The following MARCHF1 variants were observed in gnomAD, a reference collection of about 807,000 sequenced individuals.
MARCHF1 encodes E3 ubiquitin-protein ligase MARCHF1.
In MARCHF1, 40 loss-of-function variants were observed where a neutral mutation model predicts 54.2. The observed-to-expected ratio is 0.74, with a 90% CI of 0.57 to 0.96. The LOEUF (loss-of-function observed/expected upper bound fraction) is 0.96, where lower values mean the gene tolerates loss of function less well. MARCHF1 is among the 40% of genes least tolerant of loss of function. The pLI is 0.00. For synonymous variants in MARCHF1, 236 were observed against 236.3 expected (o/e 1.00, Z 0.01); for missense variants, 586 against 656.5 (o/e 0.89, Z 1.17).
chr4:164,072,013 G>C (rs2111092944), intron 2 of MARCHF1, among the ~76,000 whole-genome samples: 2 of 151,506 alleles, frequency 1.3e-5, no homozygotes, highest in South Asian at 4.2e-4. Context: ...TGCATCTGCA[G>C]ATATTTTTTA....
chr4:163,765,231 A>G (rs539868224), intron 4 of MARCHF1, among the ~76,000 whole-genome samples: 3 of 152,252 alleles, frequency 2.0e-5, no homozygotes, highest in Admixed American at 6.5e-5. Flanking sequence ...AATGAAGATT[A>G]AACTTAAAAG....
intron 1 of MARCHF1, among the ~76,000 whole-genome samples, chr4:164,179,884 T>C (rs576553196): frequency 2.0e-5 from 3 of 150,954 alleles, no homozygotes; most frequent in Admixed American, 6.7e-5. Context: ...TCTAAGAATA[T>C]GTTAATAATT....
chr4:164,126,542 G>A (rs1756184146), intron 1 of MARCHF1, among the ~76,000 whole-genome samples: 1 of 152,208 alleles, frequency 6.6e-6, no homozygotes, highest in African/African-American at 2.4e-5. Context: ...AAATGTGGAA[G>A]TGGCTTTGGA....
chr4:164,058,225 C>A (rs188225844), intron 2 of MARCHF1, among the ~76,000 whole-genome samples: 1 of 152,252 alleles, frequency 6.6e-6, no homozygotes, highest in Non-Finnish European at 1.5e-5. Context: ...ACCTATGGAA[C>A]AAACCTGCAC....
chr4:163,774,502 C>CTTTTTTTTTTTTTTTTTTTTTT lies in MARCHF1; in HGVS notation c.112-73640_112-73639insAAAAAAAAAAAAAAAAAAAAAA, dbSNP rs369862555. On this transcript the variant is annotated intron_variant, in intron 4 of 9. Transcript: ENST00000514618. The stretch of plus-strand genomic sequence containing the variant: ...ATGTTTAGTGCACTCAAGTGTTAGG[C>CTTTTTTTTTTTTTTTTTTTTTT]TTTTTTTTTTTTTTTGACAGAGTCT... Among the ~76,000 whole-genome samples, 2 of 137,872 alleles carry CTTTTTTTTTTTTTTTTTTTTTT rather than the reference C, an allele frequency of 1.5e-5. 1 individual carries two copies. The highest frequency in any genetic ancestry group is 3.1e-5 in the Non-Finnish European group (2 of 65,118). 90.4% of individuals were successfully genotyped at this position (137,872 alleles called of 152,430 possible).
intron 4 of MARCHF1, among the ~76,000 whole-genome samples, chr4:163,720,123 AT>A (rs1480530023): frequency 2.0e-5 from 3 of 152,136 alleles, no homozygotes; most frequent in Non-Finnish European, 4.4e-5. Flanking sequence ...CCTGAATGGT[AT>A]TGCCTAGGTT....
At chr4:163,703,356 C>T (rs1051961352) in intron 4 of MARCHF1, among the ~76,000 whole-genome samples, 8 of 151,964 alleles carry the variant, frequency 5.3e-5, no homozygotes, top group Non-Finnish European at 1.0e-4. Context: ...ATTGGTTTGC[C>T]TTGCTTTTGA....
Position 163,550,510 on chromosome 4 carries a change from T to C in MARCHF1, c.1192-4767A>G, listed in dbSNP as rs908102296. 0.02 allele frequency among the ~76,000 whole-genome samples: 255 copies of C among 12,768 alleles called. 3 individuals carry two copies. The East Asian group carries it at 0.4, about 20-fold the overall frequency. 8.4% of individuals were successfully genotyped at this position (12,768 alleles called of 152,430 possible). On this transcript the variant is annotated intron_variant, in intron 8 of 9. Coordinates refer to ENST00000514618, the MANE Select transcript of MARCHF1 (RefSeq NM_001394959.1). ...AACAGTAGCTAGTACGGTAGCCCTT[T>C]TTTTTTTTTTTTTTGGTACCGCCAG...
At chr4:163,977,823 A>T (rs1752679121) in intron 3 of MARCHF1, among the ~76,000 whole-genome samples, 1 of 152,246 alleles carries the variant, frequency 6.6e-6, no homozygotes, top group East Asian at 1.9e-4. Context: ...TCCTATAAAT[A>T]TAAACTTTCA....
chr4:163,921,424 T>A (rs1262625625), intron 3 of MARCHF1, among the ~76,000 whole-genome samples: 1 of 152,150 alleles, frequency 6.6e-6, no homozygotes, highest in East Asian at 1.9e-4. Context: ...ATATTACATG[T>A]TTGCCTTTAA....
chr4:164,197,840 T>C, intron 1 of MARCHF1: 1 of 1,444,136 alleles, frequency 6.9e-7, no homozygotes, highest in Non-Finnish European at 9.1e-7. Flanking sequence ...AGCCCCAATA[T>C]TTACAAATAT....
intron 9 of MARCHF1, among the ~76,000 whole-genome samples, chr4:163,533,800 AT>A (rs1738441211): frequency 6.6e-6 from 1 of 151,352 alleles, no homozygotes; most frequent in African/African-American, 2.4e-5. Context: ...GTTTGTGAGC[AT>A]TTAGGTATTT....
chr4:164,176,618 T>C (rs926207277), intron 1 of MARCHF1, among the ~76,000 whole-genome samples: 13 of 152,244 alleles, frequency 8.5e-5, no homozygotes, highest in African/African-American at 3.1e-4. Context: ...AATATGCTCC[T>C]ACCCTAAGAA....
In MARCHF1 at chr4:164,218,238, A is replaced by G. The variant is rs956167772; in HGVS notation, c.-322-106576T>C. On this transcript the variant is annotated intron_variant, in intron 1 of 9. Coordinates refer to ENST00000514618, the MANE Select transcript of MARCHF1 (RefSeq NM_001394959.1). The stretch of plus-strand genomic sequence containing the variant: ...GAGACCTTATGGAAATAGCTAGCAG[A>G]AAATTACTTTTCTATAACAAGGAGG... 3.9e-5 allele frequency among the ~76,000 whole-genome samples: 6 copies of G among 152,170 alleles called. No homozygotes were observed. The South Asian group carries it at 6.2e-4, about 16-fold the overall frequency.
intron 1 of MARCHF1, among the ~76,000 whole-genome samples, chr4:164,217,144 G>A (rs931670217): frequency 3.3e-5 from 5 of 152,120 alleles, no homozygotes; most frequent in African/African-American, 1.2e-4. Context: ...TCCTGCTGTT[G>A]AACATGATGC....
intron 4 of MARCHF1, among the ~76,000 whole-genome samples, chr4:163,701,361 T>C (rs1744804951): frequency 6.6e-6 from 1 of 152,210 alleles, no homozygotes; most frequent in Non-Finnish European, 1.5e-5. Context: ...TTAAAACATT[T>C]ACTTTTTAAA....
intron 2 of MARCHF1, among the ~76,000 whole-genome samples, chr4:164,016,373 G>A (rs867975472): frequency 2.0e-5 from 3 of 152,042 alleles, no homozygotes; most frequent in Non-Finnish European, 2.9e-5. Flanking sequence ...CCCCATGATC[G>A]ATCCAATCAT....
intron 5 of MARCHF1, among the ~76,000 whole-genome samples, chr4:163,622,381 G>A (rs1741721848): frequency 6.6e-6 from 1 of 152,014 alleles, no homozygotes. Context: ...GAAGGGGAAT[G>A]GGAAGAAACC....
chr4:163,886,020 TAA>T (rs11347045), intron 3 of MARCHF1, among the ~76,000 whole-genome samples: 1 of 142,970 alleles, frequency 7.0e-6, no homozygotes, highest in African/African-American at 2.6e-5. Context: ...CATACCTAGC[TAA>T]AAAAAAAAAT....
Sources: gnomAD v4.1 joint callset for allele counts (sites outside exome capture counted in the v4.1 genomes callset) on GRCh38, gnomAD v4.1.1 for gene constraint, MANE v1.5 for transcripts, NCBI Gene and HGNC (gene_info 2026-07-23, HGNC 2026-07-21) for gene names.